The following EIPR1 variants were observed in gnomAD, a reference collection of about 807,000 sequenced individuals.
EIPR1 encodes the protein EARP and GARP complex-interacting protein 1.
EIPR1 carries 25 observed loss-of-function variants against 48.1 expected under a neutral mutation model. That is an observed-to-expected ratio of 0.52 (90% CI 0.38 to 0.73). The LOEUF (loss-of-function observed/expected upper bound fraction) is 0.73. Among genes scored for constraint, EIPR1 ranks in the 30% least tolerant of loss-of-function variants. The probability of loss-of-function intolerance (pLI) is 0.00; values close to 1 mark genes in which losing one functional copy is unlikely to be tolerated. For synonymous variants in EIPR1, 204 were observed against 201.9 expected (o/e 1.01, Z -0.09); for missense variants, 415 against 506.2 (o/e 0.82, Z 1.73).
chr2:3,227,281 T>C (rs1386342728), intron 4 of EIPR1, among the ~76,000 whole-genome samples: 1 of 152,214 alleles, frequency 6.6e-6, no homozygotes, highest in African/African-American at 2.4e-5. Context: ...TTGACCAAAA[T>C]GCTTACACTG....
At chr2:3,325,246 C>T (rs1017234379) in intron 3 of EIPR1, among the ~76,000 whole-genome samples, 2 of 152,218 alleles carry the variant, frequency 1.3e-5, no homozygotes, top group Non-Finnish European at 2.9e-5. Flanking sequence ...GAGGTGTCCC[C>T]AGCGTGGGGC....
intron 4 of EIPR1, among the ~76,000 whole-genome samples, chr2:3,217,269 G>A (rs1015884671): frequency 6.6e-6 from 1 of 152,210 alleles, no homozygotes; most frequent in African/African-American, 2.4e-5. Context: ...TACTCACAAA[G>A]CCATAAGAGC....
At chr2:3,199,521 C>A (rs536749093) in intron 5 of EIPR1, among the ~76,000 whole-genome samples, 1 of 152,370 alleles carries the variant, frequency 6.6e-6, no homozygotes, top group South Asian at 2.1e-4. Context: ...TGACTTCCTG[C>A]AACACCTTGT....
In EIPR1 at chr2:3,255,178, C is replaced by T. The variant is rs1314357033; in HGVS notation, c.416+2121G>A. Among the ~76,000 whole-genome samples the T allele has an allele frequency of 4.3e-5, 6 of 140,610 alleles. No individual in the cohort carries two copies. The East Asian group carries it at 1.3e-3, about 31-fold the overall frequency. 92.2% of individuals were successfully genotyped at this position (140,610 alleles called of 152,430 possible). A position where few individuals can be genotyped will look rare whatever the true frequency, so the allele number is the denominator to read the frequency against. Reference sequence around the variant, plus strand: ...TTTGCCTGTTTAATATCAACAATTACTTTCTTACTTTCTTTTTTTTTTTTT... The same window carrying T: ...TTTGCCTGTTTAATATCAACAATTATTTTCTTACTTTCTTTTTTTTTTTTT... On this transcript the variant is annotated intron_variant, in intron 4 of 8. Coordinates refer to ENST00000382125, the MANE Select transcript of EIPR1 (RefSeq NM_003310.5).
At chr2:3,214,482 C>A (rs974686358) in intron 4 of EIPR1, 9 of 422,478 alleles carry the variant, frequency 2.1e-5, no homozygotes, top group African/African-American at 1.0e-4. Flanking sequence ...CCTAGCCCCC[C>A]ACCTGGTGTG....
intron 3 of EIPR1, among the ~76,000 whole-genome samples, chr2:3,309,406 C>T (rs1185533158): frequency 1.3e-5 from 2 of 152,134 alleles, no homozygotes; most frequent in Admixed American, 1.3e-4. Flanking sequence ...GTTCACATAA[C>T]TCAGGAAGGT....
intron 2 of EIPR1, among the ~76,000 whole-genome samples, chr2:3,347,288 T>C (rs963995225): frequency 2.0e-5 from 3 of 152,360 alleles, no homozygotes; most frequent in Middle Eastern, 3.4e-3. Context: ...ATGGTTTGAC[T>C]ATGTCCCCAC....
chr2:3,221,540 T>A (rs1665889346), intron 4 of EIPR1, among the ~76,000 whole-genome samples: 1 of 11,994 alleles, frequency 8.3e-5, no homozygotes, highest in African/African-American at 1.7e-4. Flanking sequence ...TCACAGTGAG[T>A]CGGGAACACA....
At chr2:3,308,476 A>C (rs555680176) in intron 3 of EIPR1, among the ~76,000 whole-genome samples, 2 of 152,224 alleles carry the variant, frequency 1.3e-5, no homozygotes, top group African/African-American at 2.4e-5. Context: ...GAAATGTCCA[A>C]TTTGAACACC....
chr2:3,320,592 T>C (rs574456626), intron 3 of EIPR1: 1 of 152,394 alleles, frequency 6.6e-6, no homozygotes, highest in South Asian at 2.1e-4. Context: ...AAATAAGACT[T>C]AGCAACCCAC....
intron 8 of EIPR1, among the ~76,000 whole-genome samples, chr2:3,191,506 G>A (rs62118987): frequency 0.034 from 5,111 of 152,334 alleles, 126 homozygotes; most frequent in Middle Eastern, 0.061. Context: ...GCTCAGGTGG[G>A]TAGGGGGAGA....
At chr2:3,319,047 A>G (rs1208513534) in intron 3 of EIPR1, 1 of 444,984 alleles carries the variant, frequency 2.2e-6, no homozygotes, top group African/African-American at 2.0e-5. Context: ...ACTTCTAAAG[A>G]CAGAAAGGAG....
At chr2:3,248,492 G>T (rs1333819689) in intron 4 of EIPR1, among the ~76,000 whole-genome samples, 1 of 152,210 alleles carries the variant, frequency 6.6e-6, no homozygotes, top group African/African-American at 2.4e-5. Context: ...TACCCAGGAG[G>T]CTGAGGCAGG....
chr2:3,307,624 G>A (rs1398146727), intron 3 of EIPR1, among the ~76,000 whole-genome samples: 3 of 152,206 alleles, frequency 2.0e-5, no homozygotes, highest in African/African-American at 2.4e-5. Flanking sequence ...CCCCACTCTC[G>A]CTCATGTGCC....
intron 3 of EIPR1, among the ~76,000 whole-genome samples, chr2:3,283,823 A>T (rs1167886076): frequency 1.3e-5 from 2 of 152,022 alleles, no homozygotes; most frequent in African/African-American, 4.8e-5. Flanking sequence ...GCTGTCTGTA[A>T]ATCCCAGCTA....
rs1007639382 is a variant in EIPR1, at chr2:3,321,533, G to A, written c.259+16484C>T. On this transcript the variant is annotated intron_variant, in intron 3 of 8. Coordinates refer to ENST00000382125, the MANE Select transcript of EIPR1 (RefSeq NM_003310.5). Reference sequence around the variant, plus strand: ...CTCAGAATTCTGGTTTCACAAAGAGGAGACTAAGAATACTATTTTCCAGCG... The same window carrying A: ...CTCAGAATTCTGGTTTCACAAAGAGAAGACTAAGAATACTATTTTCCAGCG... Among the ~76,000 whole-genome samples, 8 of 152,238 alleles carry A rather than the reference G, an allele frequency of 5.3e-5. No individual in the cohort carries two copies. The South Asian group carries it at 1.0e-3, about 20-fold the overall frequency.
chr2:3,333,439 A>G (rs1445036305), intron 3 of EIPR1, among the ~76,000 whole-genome samples: 1 of 152,106 alleles, frequency 6.6e-6, no homozygotes, highest in Non-Finnish European at 1.5e-5. Context: ...CCTCCCCATA[A>G]GATAAGATCC....
chr2:3,235,426 A>G (rs1278063432), intron 4 of EIPR1, among the ~76,000 whole-genome samples: 2 of 107,800 alleles, frequency 1.9e-5, no homozygotes, highest in African/African-American at 3.3e-5. Flanking sequence ...GGGTGCGCAC[A>G]CACACACACA....
chr2:3,281,492 A>G (rs1012281026), intron 3 of EIPR1, among the ~76,000 whole-genome samples: 2 of 152,196 alleles, frequency 1.3e-5, no homozygotes, highest in African/African-American at 4.8e-5. Flanking sequence ...GGCACATAAA[A>G]GAGAGCAACT....
Sources: allele counts gnomAD v4.1 joint callset (sites outside exome capture counted in the v4.1 genomes callset), GRCh38; gene constraint gnomAD v4.1.1; transcripts MANE v1.5; gene names NCBI Gene and HGNC (gene_info 2026-07-23, HGNC 2026-07-21).